SZT2: variants seen among roughly 807,000 people sequenced by gnomAD.
SZT2 encodes SZT2 subunit of KICSTOR complex, also known as KICSTOR complex protein SZT2.
Under a neutral mutation model 404.2 loss-of-function variants are expected in SZT2, and 216 were observed. The ratio of observed to expected loss-of-function variants is 0.53; its 90% CI spans 0.48 to 0.60. The LOEUF is 0.60. Ranked by LOEUF, SZT2 falls within the 20% of genes least tolerant of loss-of-function variation. SZT2 has a pLI of 0.00. For missense variants in SZT2, 3,857 were observed against 4,459.2 expected (o/e 0.86, Z 3.85); for synonymous variants, 1,693 against 1,749.9 (o/e 0.97, Z 0.81).
intron 3 of SZT2, 45 bp downstream of exon 3, chr1:43,403,819 G>A (rs751715919): frequency 3.1e-6 from 5 of 1,599,098 alleles, no homozygotes; most frequent in African/African-American, 2.7e-5. Context: ...ATGGGGTGGG[G>A]TGTGAGGAGA....
At chr1:43,435,787 T>G (rs2782647) in intron 42 of SZT2, 49,507 of 153,910 alleles carry the variant, frequency 0.32, 9,022 homozygotes, top group Middle Eastern at 0.45. Flanking sequence ...AGAGGAGAGA[T>G]CACTGAAGGG....
intron 63 of SZT2, 93 bp downstream of exon 63, chr1:43,446,077 A>G: frequency 6.3e-7 from 1 of 1,584,976 alleles, no homozygotes; most frequent in Non-Finnish European, 8.7e-7. Context: ...GAGGTCACTG[A>G]TCCCAGACTG....
chr1:43,450,638 C>A lies in SZT2; in HGVS notation c.*158C>A. On this transcript the variant is annotated 3_prime_UTR_variant, in exon 72 of 72. Transcript: ENST00000634258. The surrounding 1 kb of genome is among the most constrained non-coding windows in gnomAD (Gnocchi z 4.3). ...GTAACTATGTCTTGAGGGTCTGCTG[C>A]CCCAGCCTGGCAGCAGGAACCGCCC... 1.7e-6 allele frequency: 2 copies of A among 1,166,196 alleles called. No individual in the cohort carries two copies. The highest frequency in any genetic ancestry group is 2.4e-6 in the Non-Finnish European group (2 of 832,012). 72.2% of individuals were successfully genotyped at this position (1,166,196 alleles called of 1,614,324 possible). A position where few individuals can be genotyped will look rare whatever the true frequency, so the allele number is the denominator to read the frequency against.
intron 1 of SZT2, among the ~76,000 whole-genome samples, chr1:43,399,601 A>G (rs1198678252): frequency 6.6e-6 from 1 of 151,268 alleles, no homozygotes; most frequent in Non-Finnish European, 1.5e-5. Flanking sequence ...AGCTGGGACT[A>G]CAGGCACCCG....
At chr1:43,410,839 G>C (rs909938153) in intron 4 of SZT2, among the ~76,000 whole-genome samples, 6 of 152,032 alleles carry the variant, frequency 3.9e-5, no homozygotes, top group Admixed American at 1.3e-4. Flanking sequence ...CCAGGCATCA[G>C]TGTATGGCGA....
Position 43,447,075 on chromosome 1 carries a change from C to T in SZT2, c.9193C>T (p.Leu3065=), listed in dbSNP as rs1655762310. 6.2e-7 allele frequency: 1 copy of T among 1,613,944 alleles called. No homozygotes were observed. Among genetic ancestry groups the T allele is most frequent in the East Asian group, 2.2e-5 (1 of 44,882 alleles). ...GCACGTGCTAGGTGCCCATCTGGTG[C>T]TGCGGCACGGCTACCACCTCACCAC... The part of the protein sequence containing the change: ...HQHVLGAHLV[L]RHGYHLTTFL... Residue 3065 remains leucine, a synonymous_variant, in exon 66 of 72, where the codon CTG becomes TTG. Transcript: ENST00000634258.
At chr1:43,430,894 G>T in intron 32 of SZT2, 55 bp from the exon 33 acceptor site, 1 of 1,588,842 alleles carries the variant, frequency 6.3e-7, no homozygotes. Flanking sequence ...ATAGATCTTG[G>T]AATCTGTGCT....
At chr1:43,401,068 C>T (rs1032719533) in intron 1 of SZT2, among the ~76,000 whole-genome samples, 8 of 151,554 alleles carry the variant, frequency 5.3e-5, no homozygotes, top group Admixed American at 2.0e-4. Context: ...ACTACAGGCA[C>T]GAGCCACTAC....
Position 43,426,731 on chromosome 1 carries a change from G to A in SZT2, c.3231G>A (p.Leu1077=). 1 of 1,612,478 alleles carries A rather than the reference G, an allele frequency of 6.2e-7. No homozygotes were observed. The highest frequency in any genetic ancestry group is 8.5e-7 in the Non-Finnish European group (1 of 1,179,380). Residue 1077 remains leucine, a synonymous_variant, in exon 23 of 72, where the codon CTG becomes CTA. Transcript: ENST00000634258. The surrounding 1 kb of genome is among the most constrained non-coding windows in gnomAD (Gnocchi z 4.9). ...CCATTGTAGGTGCCGAGGGGCCACT[G>A]CTGGGGGTTCATGGGATCCCGAAGG... The part of the protein sequence containing the change: ...TCHVPGAEGP[L]LGVHGIPKEQ...
At position 43,438,980 on chromosome 1, in the gene SZT2, C is replaced by T. The variant is rs1557585274; in HGVS notation, c.6679C>T (p.Pro2227Ser). Reference protein sequence around the residue: ...LPSEVLHLALPTSCRPWLPAL... With the variant: ...LPSEVLHLALSTSCRPWLPAL... ...CTCAGAGGTGCTGCATCTGGCCCTACCCACCTCCTGCAGGCCCTGGCTTCC... is the reference window on the plus strand; with the variant it reads ...CTCAGAGGTGCTGCATCTGGCCCTATCCACCTCCTGCAGGCCCTGGCTTCC... The change falls in exon 48 of 72, where the codon CCC becomes TCC. Residue 2227 changes from proline to serine, a missense_variant. By Grantham distance (74) the Pro-to-Ser change is moderately conservative. Coordinates refer to ENST00000634258, the MANE Select transcript of SZT2 (RefSeq NM_001365999.1). The T allele has an allele frequency of 1.9e-6, 3 of 1,614,216 alleles. No individual in the cohort carries two copies. The highest frequency in any genetic ancestry group is 1.7e-6 in the Non-Finnish European group (2 of 1,180,036).
chr1:43,425,645 G>C lies in SZT2; in HGVS notation c.2814+3G>C. On this transcript the variant is annotated splice_donor_region_variant and intron_variant, in intron 19 of 71. Transcript: ENST00000634258. This position sits in a 1 kb window ranked among gnomAD's most constrained non-coding sequence, Gnocchi z 4.3. ...CGTATTCTGAGATCCCGCAAGCTGT[G>C]AGTGTCCTCAGAACAGTACCCGCAC... 6.2e-7 allele frequency: 1 copy of C among 1,613,708 alleles called. No homozygotes were observed. The highest frequency in any genetic ancestry group is 8.5e-7 in the Non-Finnish European group (1 of 1,179,994).
In SZT2 at chr1:43,451,475, T is replaced by G; in HGVS notation, c.*995T>G. ...TTCATCTTCCAGCAGTTGAAACAGA[T>G]AGGGGAAATTCAGCTCTCCGGGGCT... On this transcript the variant is annotated 3_prime_UTR_variant, in exon 72 of 72. Transcript: ENST00000634258. 6.2e-7 allele frequency: 1 copy of G among 1,614,078 alleles called. No individual in the cohort carries two copies. The highest frequency in any genetic ancestry group is 8.5e-7 in the Non-Finnish European group (1 of 1,180,010).
intron 15 of SZT2, 59 bp downstream of exon 15, chr1:43,423,375 G>A (rs1652662029): frequency 2.0e-6 from 3 of 1,467,076 alleles, no homozygotes; most frequent in South Asian, 2.7e-5. Flanking sequence ...ACAGAGGTGT[G>A]GAGGGCATGG....
At chr1:43,443,842 C>A in intron 62 of SZT2, 46 bp downstream of exon 62, 1 of 1,606,714 alleles carries the variant, frequency 6.2e-7, no homozygotes, top group East Asian at 2.2e-5. Flanking sequence ...TCCTGCACTG[C>A]AAGTGAGGCC....
At chr1:43,422,667 C>T (rs1391217541) in intron 13 of SZT2, 35 bp downstream of exon 13, 3 of 804,300 alleles carry the variant, frequency 3.7e-6, no homozygotes, top group African/African-American at 3.9e-5. Flanking sequence ...CCCCCGCCCC[C>T]CCACCCCCCC....
At position 43,424,068 on chromosome 1, in the gene SZT2, G is replaced by A; in HGVS notation, c.2256-149G>A. 7.4e-6 allele frequency: 5 copies of A among 672,104 alleles called. No individual in the cohort carries two copies. Among genetic ancestry groups the A allele is most frequent in the East Asian group, 2.7e-5 (1 of 36,756 alleles). 41.6% of individuals were successfully genotyped at this position (672,104 alleles called of 1,614,324 possible). On this transcript the variant is annotated intron_variant, in intron 15 of 71. Transcript: ENST00000634258. This position sits in a 1 kb window ranked among gnomAD's most constrained non-coding sequence, Gnocchi z 4.1. ...CTTAGCCGGGTATGAGTGGTACAGA[G>A]GTGTGGAAGGGCGTGGCTTAGCCGG...
At position 43,451,903 on chromosome 1, in the gene SZT2, G is replaced by T; in HGVS notation, c.*1423G>T. Reference sequence around the variant, plus strand: ...GCCTCAAGAGCACAGGAATCAAAAGGGACAGAAGGAGAGACAGGGCTGGGG... The same window carrying T: ...GCCTCAAGAGCACAGGAATCAAAAGTGACAGAAGGAGAGACAGGGCTGGGG... On this transcript the variant is annotated 3_prime_UTR_variant, in exon 72 of 72. Coordinates refer to ENST00000634258, the MANE Select transcript of SZT2 (RefSeq NM_001365999.1). The T allele has an allele frequency of 1.2e-6, 2 of 1,613,484 alleles. No homozygotes were observed. The highest frequency in any genetic ancestry group is 1.7e-6 in the Non-Finnish European group (2 of 1,179,474).
At chr1:43,418,747 C>G (rs1651988020) in intron 7 of SZT2, among the ~76,000 whole-genome samples, 1 of 152,044 alleles carries the variant, frequency 6.6e-6, no homozygotes, top group Non-Finnish European at 1.5e-5. Context: ...AATGTAGGGT[C>G]CAAGCTGGGT....
chr1:43,407,901 G>A (rs576582125), intron 4 of SZT2, among the ~76,000 whole-genome samples: 42 of 137,524 alleles, frequency 3.1e-4, no homozygotes, highest in Admixed American at 1.3e-3. Context: ...GGCATGATCT[G>A]GGTTCACTGC....
Sources: gnomAD v4.1 joint callset for allele counts (sites outside exome capture counted in the v4.1 genomes callset) on GRCh38, gnomAD v4.1.1 for gene constraint, Gnocchi (gnomAD v3.1) non-coding constraint, MANE v1.5 for transcripts, NCBI Gene and HGNC (gene_info 2026-07-23, HGNC 2026-07-21) for gene names.